Variants in DLG2 observed in about 807,000 individuals in gnomAD.
DLG2 encodes discs large MAGUK scaffold protein 2.
A neutral mutation model predicts 132.5 loss-of-function variants in DLG2; 45 were observed. The ratio of observed to expected loss-of-function variants is 0.34; its 90% CI spans 0.27 to 0.44. The LOEUF (loss-of-function observed/expected upper bound fraction) is 0.44. Among genes scored for constraint, DLG2 ranks in the 20% least tolerant of loss-of-function variants. DLG2 has a pLI of 1.00. For missense variants in DLG2, 1,045 were observed against 1,196.9 expected, an observed-to-expected ratio of 0.87 and a Z score of 1.87; for synonymous variants, 424 against 419.6, an observed-to-expected ratio of 1.01 and a Z score of -0.13.
chr11:83,464,208 A>T (rs1365825232), intron 26 of DLG2, among the ~76,000 whole-genome samples: 3 of 152,244 alleles, frequency 2.0e-5, no homozygotes, highest in Non-Finnish European at 4.4e-5. Flanking sequence ...ATGGTGGCAC[A>T]ATATAAAAAG....
intron 6 of DLG2, among the ~76,000 whole-genome samples, chr11:85,022,725 C>T (rs1419255215): frequency 6.6e-6 from 1 of 152,084 alleles, no homozygotes; most frequent in Non-Finnish European, 1.5e-5. Context: ...TTAATATTCA[C>T]TACCTTTGAG....
intron 4 of DLG2, among the ~76,000 whole-genome samples, chr11:85,178,033 A>C (rs1333532337): frequency 6.6e-6 from 1 of 152,062 alleles, no homozygotes; most frequent in East Asian, 1.9e-4. Context: ...GATGACTAAA[A>C]AGACATGAAA....
chr11:85,115,014 C>T (rs1009105922), intron 5 of DLG2, among the ~76,000 whole-genome samples: 1 of 151,788 alleles, frequency 6.6e-6, no homozygotes, highest in East Asian at 1.9e-4. Context: ...CTTTTGAAAG[C>T]AGAGTAAGAG....
intron 4 of DLG2, among the ~76,000 whole-genome samples, chr11:85,254,643 G>C (rs1045156108): frequency 4.6e-5 from 7 of 152,080 alleles, no homozygotes; most frequent in African/African-American, 1.7e-4. Flanking sequence ...TGATTTCATG[G>C]GAATCCTGGT....
chr11:84,380,021 A>C (rs967257216), intron 7 of DLG2, among the ~76,000 whole-genome samples: 1 of 152,068 alleles, frequency 6.6e-6, no homozygotes, highest in African/African-American at 2.4e-5. Context: ...AAGAGAGTAG[A>C]GTTACATTTT....
chr11:83,486,416 G>GTGAA (rs1197198280), intron 21 of DLG2, among the ~76,000 whole-genome samples: 1 of 152,078 alleles, frequency 6.6e-6, no homozygotes, highest in African/African-American at 2.4e-5. Flanking sequence ...AAAGCCTGGG[G>GTGAA]TGAAAATGTA....
intron 6 of DLG2, among the ~76,000 whole-genome samples, chr11:84,555,307 G>C (rs1401493507): frequency 6.6e-6 from 1 of 152,054 alleles, no homozygotes; most frequent in African/African-American, 2.4e-5. Flanking sequence ...ATATCCCAAA[G>C]AATTGAAAGC....
At chr11:85,518,749 C>A (rs1192001624) in intron 3 of DLG2, among the ~76,000 whole-genome samples, 1 of 152,160 alleles carries the variant, frequency 6.6e-6, no homozygotes, top group Non-Finnish European at 1.5e-5. Context: ...GCAGCCTCTC[C>A]CAACACAGGT....
At chr11:85,515,680 T>A (rs2094156214) in intron 3 of DLG2, among the ~76,000 whole-genome samples, 1 of 151,998 alleles carries the variant, frequency 6.6e-6, no homozygotes, top group South Asian at 2.1e-4. Context: ...ATATAAGAAC[T>A]GACTAGAAGT....
chr11:83,939,723 A>T (rs1033400313), intron 14 of DLG2, among the ~76,000 whole-genome samples: 1 of 152,228 alleles, frequency 6.6e-6, no homozygotes, highest in Non-Finnish European at 1.5e-5. Context: ...AGAATTTCTG[A>T]ATATATTTAG....
In DLG2 at chr11:84,930,508, C is replaced by G. The variant is rs916554835; in HGVS notation, c.357+181153G>C. 2.0e-5 allele frequency among the ~76,000 whole-genome samples: 3 copies of G among 152,110 alleles called. No individual in the cohort carries two copies. The South Asian group carries it at 6.2e-4, about 32-fold the overall frequency. On this transcript the variant is annotated intron_variant, in intron 6 of 27. Coordinates refer to ENST00000376104, the MANE Select transcript of DLG2 (RefSeq NM_001142699.3). ...ACCTCCTCCATCCTCTTTTGAAAGG[C>G]GATTGCAAACATTCTCCACTCTCCT...
At chr11:84,249,172 T>C (rs1331999819) in intron 8 of DLG2, among the ~76,000 whole-genome samples, 1 of 152,222 alleles carries the variant, frequency 6.6e-6, no homozygotes, top group Non-Finnish European at 1.5e-5. Flanking sequence ...ATCAGCTCTC[T>C]GTGCTCCAGG....
rs576796808 is a variant in DLG2, at chr11:83,932,380, G to A, written c.1341-1897C>T. On this transcript the variant is annotated intron_variant, in intron 14 of 27. Coordinates refer to ENST00000376104, the MANE Select transcript of DLG2 (RefSeq NM_001142699.3). ...CTCCCGAGAAGCTGGGACTACAGGC[G>A]CCTGCCACCACGCCCGGCTAATTTT... is the stretch of plus-strand genomic sequence containing the variant. Among the ~76,000 whole-genome samples, 828 of 151,616 alleles carry A rather than the reference G, an allele frequency of 5.5e-3. 1 individual carries two copies. Among genetic ancestry groups the A allele is most frequent in the Non-Finnish European group, 7.4e-3 (500 of 67,988 alleles).
At chr11:84,771,968 A>T (rs890321669) in intron 6 of DLG2, among the ~76,000 whole-genome samples, 2 of 152,212 alleles carry the variant, frequency 1.3e-5, no homozygotes, top group South Asian at 4.1e-4. Flanking sequence ...TCCCATTGAC[A>T]ATAGCTACAC....
chr11:84,989,232 G>A (rs999844471), intron 6 of DLG2, among the ~76,000 whole-genome samples: 1 of 152,182 alleles, frequency 6.6e-6, no homozygotes, highest in Non-Finnish European at 1.5e-5. Flanking sequence ...CTGGAGTGGA[G>A]TGGTGTAATC....
chr11:83,491,078 TAA>T (rs1418576849), intron 21 of DLG2, among the ~76,000 whole-genome samples: 1 of 151,482 alleles, frequency 6.6e-6, no homozygotes, highest in African/African-American at 2.4e-5. Context: ...TGCAATGCCT[TAA>T]AAATACTTAA....
At chr11:84,257,138 AC>A (rs2097485596) in intron 7 of DLG2, among the ~76,000 whole-genome samples, 1 of 151,734 alleles carries the variant, frequency 6.6e-6, no homozygotes, top group Admixed American at 6.6e-5. Context: ...TTCCCCCATA[AC>A]CCTCTATTAT....
chr11:84,383,628 A>G (rs867223818), intron 7 of DLG2, among the ~76,000 whole-genome samples: 2 of 152,006 alleles, frequency 1.3e-5, no homozygotes, highest in Admixed American at 6.6e-5. Flanking sequence ...CTGTGGGCAG[A>G]CTCTAGTAGC....
intron 3 of DLG2, among the ~76,000 whole-genome samples, chr11:85,428,035 A>G (rs929619430): frequency 8.7e-4 from 132 of 152,346 alleles, no homozygotes; most frequent in Non-Finnish European, 1.5e-3. Flanking sequence ...AAAGAAGGCC[A>G]TTACATAATG....
Sources: allele counts gnomAD v4.1 joint callset (sites outside exome capture counted in the v4.1 genomes callset), GRCh38; gene constraint gnomAD v4.1.1; transcripts MANE v1.5; gene names NCBI Gene and HGNC (gene_info 2026-07-23, HGNC 2026-07-21).